CTH: variants seen among roughly 807,000 people sequenced by gnomAD.
CTH encodes cystathionase (cystathionine gamma-lyase).
Under a neutral mutation model 50.6 loss-of-function variants are expected in CTH, and 41 were observed. The observed-to-expected ratio is 0.81, with a 90% confidence interval of 0.63 to 1.05. The LOEUF is 1.05. Among genes scored for constraint, CTH ranks in the 50% least tolerant of loss-of-function variants. CTH has a pLI of 0.00. For synonymous variants in CTH, 156 were observed against 168.9 expected (o/e 0.92, Z 0.59); for missense variants, 470 against 492.6 (o/e 0.95, Z 0.43).
chr1:70,411,380 G>T lies in CTH; in HGVS notation c.-36G>T, dbSNP rs770590498. On this transcript the variant is annotated 5_prime_UTR_variant, in exon 1 of 12. Transcript: ENST00000370938. ...CCGGCTTCGACTGGTTATATCTTCGGTGTTCTTTTCCTCTCTTCTTCTTTC... is the reference window on the plus strand; with the variant it reads ...CCGGCTTCGACTGGTTATATCTTCGTTGTTCTTTTCCTCTCTTCTTCTTTC... The T allele has an allele frequency of 6.2e-7, 1 of 1,612,336 alleles. No individual in the cohort carries two copies. The highest frequency in any genetic ancestry group is 1.7e-5 in the Admixed American group (1 of 60,016).
At chr1:70,416,970 G>C (rs1455749636) in intron 2 of CTH, among the ~76,000 whole-genome samples, 1 of 152,138 alleles carries the variant, frequency 6.6e-6, no homozygotes, top group Admixed American at 6.6e-5. Flanking sequence ...TGGGATTATA[G>C]ATGTGAGCCA....
At chr1:70,417,902 C>A (rs1684128096) in intron 2 of CTH, 35 bp from the exon 3 acceptor site, 2 of 1,612,812 alleles carry the variant, frequency 1.2e-6, no homozygotes, top group East Asian at 4.5e-5. Context: ...ATAGGCCTGA[C>A]TTTTCAGCTT....
chr1:70,421,085 T>C (rs551263955), intron 3 of CTH, among the ~76,000 whole-genome samples: 47 of 152,322 alleles, frequency 3.1e-4, no homozygotes, highest in African/African-American at 9.9e-4. Flanking sequence ...TGATTTATAT[T>C]GTCTCATTTT....
intron 5 of CTH, among the ~76,000 whole-genome samples, chr1:70,429,002 C>A (rs1340624054): frequency 6.6e-6 from 1 of 152,060 alleles, no homozygotes; most frequent in Non-Finnish European, 1.5e-5. Context: ...TCCACTGCAG[C>A]CTGAAACTCC....
Position 70,438,676 on chromosome 1 carries a change from G to A in CTH, c.1053-12G>A. On this transcript the variant is annotated splice_polypyrimidine_tract_variant and intron_variant, in intron 10 of 11. Transcript: ENST00000370938. ...ATATAGTGATCAAAAATTTGCTCAT[G>A]TCTTCTTTCAGGGCAATCATGACTC... The A allele has an allele frequency of 6.2e-7, 1 of 1,613,992 alleles. No homozygotes were observed. The highest frequency in any genetic ancestry group is 8.5e-7 in the Non-Finnish European group (1 of 1,179,964).
At chr1:70,427,000 G>A (rs940848357) in intron 5 of CTH, among the ~76,000 whole-genome samples, 5 of 152,064 alleles carry the variant, frequency 3.3e-5, no homozygotes, top group Non-Finnish European at 7.4e-5. Flanking sequence ...ATCACATTCC[G>A]CATGCCAATG....
intron 8 of CTH, among the ~76,000 whole-genome samples, chr1:70,432,633 T>C (rs1684501816): frequency 6.6e-6 from 1 of 152,022 alleles, no homozygotes. Context: ...TTTGTCCCAG[T>C]TGAGACTTGA....
intron 1 of CTH, among the ~76,000 whole-genome samples, chr1:70,414,945 G>C (rs546965663): frequency 5.3e-5 from 8 of 152,148 alleles, no homozygotes; most frequent in African/African-American, 1.9e-4. Context: ...TCAGCCTCCC[G>C]AGTAGCTGGG....
At chr1:70,415,417 T>C (rs1309956859) in intron 1 of CTH, among the ~76,000 whole-genome samples, 1 of 151,818 alleles carries the variant, frequency 6.6e-6, no homozygotes, top group Non-Finnish European at 1.5e-5. Context: ...AAAAAAAAAC[T>C]TGTATCACTT....
rs980052347 is a variant in CTH, at chr1:70,439,851, G to T, written c.*724G>T. The T allele has an allele frequency of 2.0e-5, 3 of 152,102 alleles. No homozygotes were observed. Among genetic ancestry groups the T allele is most frequent in the Non-Finnish European group, 2.9e-5 (2 of 68,094 alleles). 9.4% of individuals were successfully genotyped at this position (152,102 alleles called of 1,614,324 possible). On this transcript the variant is annotated 3_prime_UTR_variant, in exon 12 of 12. Transcript: ENST00000370938. The stretch of plus-strand genomic sequence containing the variant: ...AGTCCCAGCTACTTGGGAGGCTGAG[G>T]CAGGAGAATGGCGTGAAACCAGGAG...
intron 10 of CTH, among the ~76,000 whole-genome samples, chr1:70,438,074 A>G (rs1181195698): frequency 6.6e-6 from 1 of 152,110 alleles, no homozygotes; most frequent in African/African-American, 2.4e-5. Context: ...TGCTTGACAT[A>G]TTATGGGTGG....
In CTH at chr1:70,433,843, C is replaced by T. The variant is rs1325474087; in HGVS notation, c.893C>T (p.Pro298Leu). The T allele has an allele frequency of 6.2e-7, 1 of 1,613,860 alleles. No individual in the cohort carries two copies. The highest frequency in any genetic ancestry group is 8.5e-7 in the Non-Finnish European group (1 of 1,179,984). Residue 298 changes from proline (P) to leucine (L), a missense_variant, in exon 9 of 12, where the codon CCA (proline) becomes CTA (leucine). By Grantham distance (98) the Pro-to-Leu change is moderately conservative. Transcript: ENST00000370938. ...ATGATTACAGGGCTGCCCTCTCATC[C>T]ACAGCATGAGTTGGTGAAGCGTCAG... ...KVIYPGLPSH[P>L]QHELVKRQCT... is the part of the protein sequence containing the mutation.
intron 8 of CTH, 118 bp from the exon 9 acceptor site, chr1:70,433,710 C>G: frequency 6.8e-7 from 1 of 1,461,800 alleles, no homozygotes. Context: ...GTGAGCATGG[C>G]ATAATCCTCG....
chr1:70,432,069 T>C lies in CTH; in HGVS notation c.725-14T>C, dbSNP rs1260925125. The C allele has an allele frequency of 6.2e-7, 1 of 1,613,848 alleles. No homozygotes were observed. Among genetic ancestry groups the C allele is most frequent in the Non-Finnish European group, 8.5e-7 (1 of 1,179,956 alleles). On this transcript the variant is annotated splice_polypyrimidine_tract_variant and intron_variant, in intron 7 of 11. Transcript: ENST00000370938. ...CCTGCCTTCAAACTTATCCAGGATG[T>C]GTTCATTTTGCAGCTCTTGGAGCAG... is the stretch of plus-strand genomic sequence containing the variant.
chr1:70,429,971 TA>T (rs144207053), intron 6 of CTH, 120 bp downstream of exon 6: 26,269 of 487,186 alleles, frequency 0.054, 1 homozygote, highest in South Asian at 0.07. Context: ...ATAGAGAGAG[TA>T]AAAAAAAAAA....
chr1:70,425,862 G>T (rs1345239948), intron 5 of CTH, among the ~76,000 whole-genome samples: 2 of 152,098 alleles, frequency 1.3e-5, no homozygotes, highest in African/African-American at 2.4e-5. Context: ...CTCCCTCCAG[G>T]CCCCACCTCC....
Position 70,439,104 on chromosome 1 carries a change from C to G in CTH, c.1195C>G (p.Pro399Ala), listed in dbSNP as rs1684664618. ...DLDQALKAAH[P>A]PSGSHS ...TTCTTGTGCACTGTTATTATAGCACCCTCCAAGTGGAAGTCACAGCTAGTA... is the reference window on the plus strand; with the variant it reads ...TTCTTGTGCACTGTTATTATAGCACGCTCCAAGTGGAAGTCACAGCTAGTA... The change falls in exon 12 of 12, where the codon CCT becomes GCT. Residue 399 changes from proline to alanine, a missense_variant. Coordinates refer to ENST00000370938, the MANE Select transcript of CTH (RefSeq NM_001902.6). 1.9e-6 allele frequency: 3 copies of G among 1,611,910 alleles called. No individual in the cohort carries two copies. The African/African-American group carries it at 4.0e-5, about 22-fold the overall frequency.
At chr1:70,433,766 T>TC (rs974617392) in intron 8 of CTH, 62 bp from the exon 9 acceptor site, 187 of 1,591,668 alleles carry the variant, frequency 1.2e-4, no homozygotes, top group South Asian at 3.7e-4. Flanking sequence ...AATACCACCC[T>TC]CCCCCCCCAA....
chr1:70,426,557 T>C (rs1684350530), intron 5 of CTH, among the ~76,000 whole-genome samples: 1 of 152,212 alleles, frequency 6.6e-6, no homozygotes, highest in African/African-American at 2.4e-5. Context: ...TCCATTTTAT[T>C]CGAAGGCATT....
Sources: gnomAD v4.1 joint callset for allele counts (sites outside exome capture counted in the v4.1 genomes callset) on GRCh38, gnomAD v4.1.1 for gene constraint, MANE v1.5 for transcripts, NCBI Gene and HGNC (gene_info 2026-07-23, HGNC 2026-07-21) for gene names.